Variants in EIF4G3 observed in about 807,000 individuals in gnomAD.
EIF4G3 encodes eukaryotic translation initiation factor 4 gamma 3, also known as eIF-4-gamma 3.
Under a neutral mutation model 186.4 loss-of-function variants are expected in EIF4G3, and 34 were observed. The ratio of observed to expected loss-of-function variants is 0.18; its 90% CI spans 0.14 to 0.24. The LOEUF is 0.24. Ranked by LOEUF, EIF4G3 falls within the 10% of genes least tolerant of loss-of-function variation. EIF4G3 has a pLI of 1.00. For missense variants in EIF4G3, 1,536 were observed against 1,948.5 expected (o/e 0.79, Z 3.99); for synonymous variants, 673 against 679.5 (o/e 0.99, Z 0.15).
intron 13 of EIF4G3, among the ~76,000 whole-genome samples, chr1:20,949,151 T>C (rs2096095186): frequency 6.6e-6 from 1 of 152,130 alleles, no homozygotes; most frequent in Non-Finnish European, 1.5e-5. Flanking sequence ...TCAAAGTTAC[T>C]TGCTTCCCCG....
intron 4 of EIF4G3, among the ~76,000 whole-genome samples, chr1:21,024,278 C>T (rs1425797512): frequency 6.6e-6 from 1 of 151,578 alleles, no homozygotes; most frequent in Non-Finnish European, 1.5e-5. Flanking sequence ...CGCCTCTGCC[C>T]GGCCGCCCCT....
chr1:20,981,578 A>C lies in EIF4G3; in HGVS notation c.199-351T>G, dbSNP rs554417973. Among the ~76,000 whole-genome samples, 4 of 138,432 alleles carry C rather than the reference A, an allele frequency of 2.9e-5. No homozygotes were observed. The South Asian group carries it at 9.4e-4, about 32-fold the overall frequency. The allele number at this position is 138,432 out of a possible 152,430, so 90.8% of individuals were successfully genotyped here. On this transcript the variant is annotated intron_variant, in intron 8 of 36. Transcript: ENST00000602326. The stretch of plus-strand genomic sequence containing the variant: ...TACATACATACATGTATACGCACAT[A>C]CTGTATGTATACATACATGTATACG...
At chr1:20,911,758 G>GT (rs1241472149) in intron 14 of EIF4G3, among the ~76,000 whole-genome samples, 1 of 151,758 alleles carries the variant, frequency 6.6e-6, no homozygotes, top group Non-Finnish European at 1.5e-5. Context: ...AGTTGTAAGA[G>GT]TTTAACATTT....
intron 24 of EIF4G3, among the ~76,000 whole-genome samples, chr1:20,858,195 TTC>T (rs1418011198): frequency 6.6e-6 from 1 of 152,198 alleles, no homozygotes; most frequent in Non-Finnish European, 1.5e-5. Context: ...TTCAAAACAC[TTC>T]TGATACCTTT....
intron 4 of EIF4G3, among the ~76,000 whole-genome samples, chr1:21,013,405 T>C (rs1232357544): frequency 6.6e-6 from 1 of 151,680 alleles, no homozygotes; most frequent in African/African-American, 2.4e-5. Flanking sequence ...TCCCTCCTCA[T>C]TGAGGCCAAG....
intron 19 of EIF4G3, among the ~76,000 whole-genome samples, chr1:20,879,854 A>G (rs1178929121): frequency 6.6e-6 from 1 of 152,188 alleles, no homozygotes; most frequent in Non-Finnish European, 1.5e-5. Flanking sequence ...TTACACTTTT[A>G]GAAATGTATT....
intron 7 of EIF4G3, among the ~76,000 whole-genome samples, chr1:20,983,601 C>A (rs546946890): frequency 1.3e-5 from 2 of 152,136 alleles, no homozygotes; most frequent in African/African-American, 4.8e-5. Context: ...AAGAATGATA[C>A]AAGCCTCAAG....
At chr1:20,813,297 C>G (rs769572313) in intron 34 of EIF4G3, 58 bp from the exon 35 acceptor site, 153 of 1,285,464 alleles carry the variant, frequency 1.2e-4, no homozygotes, top group Non-Finnish European at 1.6e-4. Context: ...GGCACAGAGG[C>G]TCATGCCTGT....
chr1:20,975,820 G>C (rs936449729), intron 10 of EIF4G3, among the ~76,000 whole-genome samples: 14 of 151,992 alleles, frequency 9.2e-5, no homozygotes, highest in African/African-American at 3.4e-4. Context: ...TACAGTCTAA[G>C]AGCCAAATCT....
chr1:21,012,467 G>A (rs1444246374), intron 4 of EIF4G3, among the ~76,000 whole-genome samples: 1 of 152,102 alleles, frequency 6.6e-6, no homozygotes, highest in Admixed American at 6.6e-5. Flanking sequence ...ATGTGTATCT[G>A]CTTCAAAAAC....
At chr1:20,899,661 A>G (rs1227643182) in intron 16 of EIF4G3, 36 bp downstream of exon 16, 4 of 1,610,672 alleles carry the variant, frequency 2.5e-6, no homozygotes, top group Non-Finnish European at 3.4e-6. Flanking sequence ...CAGTAGAGGG[A>G]TAAAGAGGTA....
intron 2 of EIF4G3, among the ~76,000 whole-genome samples, chr1:21,153,529 G>C (rs982672102): frequency 2.0e-5 from 3 of 152,134 alleles, no homozygotes; most frequent in African/African-American, 7.2e-5. Context: ...TGAGTCAGCA[G>C]GTACAGCAAT....
At chr1:20,849,763 A>G (rs1418961829) in intron 28 of EIF4G3, among the ~76,000 whole-genome samples, 3 of 152,226 alleles carry the variant, frequency 2.0e-5, no homozygotes, top group Non-Finnish European at 4.4e-5. Context: ...TTTCCTAATT[A>G]AAGCTTTTTT....
intron 14 of EIF4G3, among the ~76,000 whole-genome samples, chr1:20,917,708 G>A (rs988637517): frequency 1.3e-5 from 2 of 152,132 alleles, no homozygotes; most frequent in Admixed American, 1.3e-4. Context: ...CGTTTATATA[G>A]AGCATGTTCC....
intron 2 of EIF4G3, among the ~76,000 whole-genome samples, chr1:21,118,955 A>G (rs1402872714): frequency 8.1e-6 from 1 of 123,814 alleles, no homozygotes; most frequent in East Asian, 2.4e-4. Context: ...AAAAAAAAAA[A>G]GAGAAGAAAT....
At chr1:20,983,399 A>C (rs578170692) in intron 7 of EIF4G3, among the ~76,000 whole-genome samples, 1 of 152,330 alleles carries the variant, frequency 6.6e-6, no homozygotes, top group African/African-American at 2.4e-5. Flanking sequence ...CCACTGACAC[A>C]GTTTTGGTGA....
rs553448872 is a variant in EIF4G3 at position 21,171,997 on chromosome 1, C to T, written c.-272+4178G>A. ...GGGAAGGAGACCAGGAAAAGACCCACCACAGATCAGATCAGGTATGTATCT... is the reference window on the plus strand; with the variant it reads ...GGGAAGGAGACCAGGAAAAGACCCATCACAGATCAGATCAGGTATGTATCT... On this transcript the variant is annotated intron_variant, in intron 2 of 36. Coordinates refer to ENST00000602326, the MANE Select transcript of EIF4G3 (RefSeq NM_001391906.1). Among the ~76,000 whole-genome samples, 3 of 152,130 alleles carry T rather than the reference C, an allele frequency of 2.0e-5. No homozygotes were observed. In the South Asian group the frequency reaches 6.2e-4, roughly 32 times the overall value.
rs1333418616 is a variant in EIF4G3 at position 20,842,398 on chromosome 1, A to T, written c.3889-1370T>A. On this transcript the variant is annotated intron_variant, in intron 29 of 36. Coordinates refer to ENST00000602326, the MANE Select transcript of EIF4G3 (RefSeq NM_001391906.1). ...CTTTTTTCTTTTGAGACAGAGTTTCACTCTTGTTGCCCAGGCTGGAGTGCA... is the reference window on the plus strand; with the variant it reads ...CTTTTTTCTTTTGAGACAGAGTTTCTCTCTTGTTGCCCAGGCTGGAGTGCA... 9.9e-5 allele frequency among the ~76,000 whole-genome samples: 15 copies of T among 152,096 alleles called. No individual in the cohort carries two copies. The South Asian group carries it at 2.1e-3, about 21-fold the overall frequency.
At chr1:21,133,101 A>C (rs2097183098) in intron 2 of EIF4G3, among the ~76,000 whole-genome samples, 4 of 151,958 alleles carry the variant, frequency 2.6e-5, no homozygotes. Context: ...TTTCATTATG[A>C]ACATTTACTA....
Sources: gnomAD v4.1 joint callset for allele counts (sites outside exome capture counted in the v4.1 genomes callset) on GRCh38, gnomAD v4.1.1 for gene constraint, MANE v1.5 for transcripts, NCBI Gene and HGNC (gene_info 2026-07-23, HGNC 2026-07-21) for gene names.